Variants in ITIH2 observed in about 807,000 individuals in gnomAD.
The protein encoded by ITIH2 is inter-alpha-trypsin inhibitor heavy chain 2, also known as inter-alpha-trypsin inhibitor heavy chain H2.
Under a neutral mutation model 104.4 loss-of-function variants are expected in ITIH2, and 103 were observed. That is an observed-to-expected ratio of 0.99 (90% confidence interval 0.84 to 1.16). The LOEUF is 1.16. Ranked by LOEUF, ITIH2 falls within the 50% of genes most tolerant of loss-of-function variation. The pLI, the probability that ITIH2 is intolerant of heterozygous loss-of-function variation, is 0.00. For synonymous variants in ITIH2, 436 were observed against 435.4 expected (o/e 1.00, Z -0.02); for missense variants, 1,108 against 1,162.4 (o/e 0.95, Z 0.68).
intron 11 of ITIH2, 165 bp from the exon 12 acceptor site, chr10:7,729,787 T>A: frequency 3.9e-6 from 2 of 517,940 alleles, no homozygotes; most frequent in South Asian, 6.7e-5. Flanking sequence ...CATTTCAACA[T>A]GTACGAGTGC....
intron 16 of ITIH2, among the ~76,000 whole-genome samples, chr10:7,742,163 T>G (rs1009795080): frequency 6.6e-6 from 1 of 152,076 alleles, no homozygotes; most frequent in Non-Finnish European, 1.5e-5. Flanking sequence ...CACCAAACAT[T>G]GCCAAATTTA....
At chr10:7,741,173 G>GTTT (rs34408370) in intron 16 of ITIH2, among the ~76,000 whole-genome samples, 8 of 100,240 alleles carry the variant, frequency 8.0e-5, no homozygotes, top group South Asian at 3.4e-4. Context: ...ATTGTTTAAG[G>GTTT]TTTTTTTTTT....
intron 1 of ITIH2, among the ~76,000 whole-genome samples, chr10:7,703,734 G>A (rs188460252): frequency 9.6e-4 from 146 of 152,254 alleles, no homozygotes; most frequent in Non-Finnish European, 1.8e-3. Flanking sequence ...AAGATCAATG[G>A]GCAGGCATCA....
At chr10:7,712,238 C>T (rs952373824) in intron 4 of ITIH2, among the ~76,000 whole-genome samples, 3 of 152,134 alleles carry the variant, frequency 2.0e-5, no homozygotes, top group Non-Finnish European at 4.4e-5. Flanking sequence ...CCAAGGATTT[C>T]GTGTCTGGTG....
chr10:7,712,781 A>G (rs1327062788), intron 4 of ITIH2, among the ~76,000 whole-genome samples: 1 of 152,182 alleles, frequency 6.6e-6, no homozygotes, highest in African/African-American at 2.4e-5. Context: ...CATTCATTAA[A>G]TTAGCCTTGT....
intron 2 of ITIH2, among the ~76,000 whole-genome samples, chr10:7,706,421 C>G (rs1254745062): frequency 6.6e-6 from 1 of 152,216 alleles, no homozygotes; most frequent in East Asian, 1.9e-4. Flanking sequence ...CGCCTTTGTT[C>G]ATTTCCTCAG....
At chr10:7,746,067 TTAAAAAAAAAAA>T (rs1314217842) in intron 19 of ITIH2, among the ~76,000 whole-genome samples, 24 of 51,112 alleles carry the variant, frequency 4.7e-4, no homozygotes, top group African/African-American at 2.1e-3. Context: ...AATCTTAAAT[TTAAAAAAAAAAA>T]AAAAAAAAAA....
chr10:7,710,707 C>G (rs2130938418), intron 4 of ITIH2, among the ~76,000 whole-genome samples: 1 of 152,284 alleles, frequency 6.6e-6, no homozygotes, highest in South Asian at 2.1e-4. Context: ...GGCATTGTGT[C>G]ACTTTAATTG....
At chr10:7,729,877 G>A in intron 11 of ITIH2, 75 bp from the exon 12 acceptor site, 2 of 1,008,718 alleles carry the variant, frequency 2.0e-6, no homozygotes, top group Non-Finnish European at 2.9e-6. Flanking sequence ...TTACTAAACT[G>A]CCCTCCCTGG....
chr10:7,731,621 G>A (rs1471034058), intron 12 of ITIH2, among the ~76,000 whole-genome samples, 190 bp from the exon 13 acceptor site: 1 of 151,988 alleles, frequency 6.6e-6, no homozygotes, highest in Non-Finnish European at 1.5e-5. Flanking sequence ...GCTACTTGTG[G>A]GGCTGAGGTG....
rs768339143 is a variant in ITIH2, at chr10:7,734,981, C to T, written c.1847C>T (p.Ser616Phe). ...ATTACAAGATCGATCCTGCAGATGT[C>T]TCTAGACCACCACATTGTGACTCCG... is the stretch of plus-strand genomic sequence containing the variant. ...RRITRSILQMSLDHHIVTPLT... is the reference protein window; with the variant it reads ...RRITRSILQMFLDHHIVTPLT... Residue 616 changes from serine to phenylalanine, a missense_variant, in exon 15 of 21, where the codon TCT becomes TTT. Ser to Phe is a radical substitution (Grantham distance 155). Coordinates refer to ENST00000358415, the MANE Select transcript of ITIH2 (RefSeq NM_002216.3). The T allele has an allele frequency of 7.4e-6, 12 of 1,613,764 alleles. No individual in the cohort carries two copies. Among genetic ancestry groups the T allele is most frequent in the Admixed American group, 3.3e-5 (2 of 60,010 alleles).
intron 11 of ITIH2, 187 bp from the exon 12 acceptor site, chr10:7,729,765 C>A: frequency 2.1e-6 from 1 of 479,092 alleles, no homozygotes; most frequent in Admixed American, 3.8e-5. Context: ...CTATGCAACA[C>A]AACCCACACT....
chr10:7,749,471 GT>G lies in ITIH2; in HGVS notation c.*140del. ...TTAAAATGAACCAGATATCAGGGTG[GT>G]TTATAAAGCCTGTAAACACACCTAA... On this transcript the variant is annotated 3_prime_UTR_variant, in exon 21 of 21. Transcript: ENST00000358415. 1.4e-6 allele frequency: 1 copy of G among 689,740 alleles called. No individual in the cohort carries two copies. The highest frequency in any genetic ancestry group is 2.4e-6 in the Non-Finnish European group (1 of 422,090). 42.7% of individuals were successfully genotyped at this position (689,740 alleles called of 1,614,324 possible).
chr10:7,720,677 C>T (rs1409819864), intron 6 of ITIH2, among the ~76,000 whole-genome samples, 179 bp from the exon 7 acceptor site: 1 of 152,152 alleles, frequency 6.6e-6, no homozygotes, highest in East Asian at 1.9e-4. Flanking sequence ...GTTAAGCCTC[C>T]GTGGTGAGAT....
At chr10:7,727,857 A>C (rs1334257746) in intron 11 of ITIH2, 29 bp downstream of exon 11, 1 of 1,612,884 alleles carries the variant, frequency 6.2e-7, no homozygotes, top group Non-Finnish European at 8.5e-7. Flanking sequence ...TTCTCACGAC[A>C]AACACTTTCA....
At chr10:7,715,929 CAG>C (rs1487134208) in intron 5 of ITIH2, among the ~76,000 whole-genome samples, 1 of 151,202 alleles carries the variant, frequency 6.6e-6, no homozygotes, top group East Asian at 1.9e-4. Context: ...TTAGGAGAGA[CAG>C]GGCTCACTAC....
chr10:7,748,278 A>C (rs1835199461), intron 20 of ITIH2, among the ~76,000 whole-genome samples: 3 of 147,722 alleles, frequency 2.0e-5, no homozygotes, highest in South Asian at 4.2e-4. Context: ...TAATGACAAA[A>C]AGTAAATGCT....
intron 17 of ITIH2, 91 bp from the exon 18 acceptor site, chr10:7,743,991 T>G: frequency 1.2e-6 from 1 of 857,252 alleles, no homozygotes; most frequent in Non-Finnish European, 1.7e-6. Flanking sequence ...TTTTCCAATA[T>G]TGCCAAGTTT....
chr10:7,723,215 C>T (rs1449771580), intron 8 of ITIH2, among the ~76,000 whole-genome samples: 2 of 136,098 alleles, frequency 1.5e-5, no homozygotes, highest in Admixed American at 7.3e-5. Flanking sequence ...TGGAGTGGAG[C>T]GGTGTGGAGT....
Sources: gnomAD v4.1 joint callset for allele counts (sites outside exome capture counted in the v4.1 genomes callset) on GRCh38, gnomAD v4.1.1 for gene constraint, MANE v1.5 for transcripts, NCBI Gene and HGNC (gene_info 2026-07-23, HGNC 2026-07-21) for gene names.